The following OBP2B variants were observed in gnomAD, a reference collection of about 807,000 sequenced individuals.
OBP2B encodes the protein odorant-binding protein 2b.
In OBP2B, 10 loss-of-function variants were observed where a neutral mutation model predicts 21.7. That is an observed-to-expected ratio of 0.46 (90% CI 0.28 to 0.78). The LOEUF (loss-of-function observed/expected upper bound fraction) is 0.78, where lower values mean the gene tolerates loss of function less well. OBP2B is among the 30% of genes least tolerant of loss of function. The pLI, the probability that OBP2B is intolerant of heterozygous loss-of-function variation, is 0.11. For missense variants in OBP2B, 153 were observed against 217.7 expected (o/e 0.70, Z 1.87); for synonymous variants, 73 against 91.5 (o/e 0.80, Z 1.16).
rs368661886 is a variant in OBP2B at position 133,208,221 on chromosome 9, C to T, written c.207-18G>A. 2.0e-5 allele frequency: 32 copies of T among 1,611,454 alleles called. No homozygotes were observed. The highest frequency in any genetic ancestry group is 7.7e-5 in the South Asian group (7 of 90,976). On this transcript the variant is annotated intron_variant, in intron 2 of 6. Coordinates refer to ENST00000372034, the MANE Select transcript of OBP2B (RefSeq NM_014581.4). ...CCTCCCTCCTGGAAAACAGGAGACA[C>T]GCGGGCAGCGGCTCCCAGGACACCC...
intron 6 of OBP2B, 56 bp from the exon 7 acceptor site, chr9:133,205,467 G>A (rs1192971793): frequency 4.2e-5 from 43 of 1,034,138 alleles, no homozygotes; most frequent in Non-Finnish European, 5.9e-5. Flanking sequence ...GCAGAGGCCA[G>A]GGCCAGAGCT....
the OBP2B span, among the ~76,000 whole-genome samples, chr9:133,215,372 T>G: frequency 6.6e-6 from 1 of 152,224 alleles, no homozygotes; most frequent in Non-Finnish European, 1.5e-5. Context: ...TAACACAATT[T>G]CTATCAAAAT....
At chr9:133,206,462 G>A (rs373739075) in intron 4 of OBP2B, 46 bp from the exon 5 acceptor site, 349 of 1,607,440 alleles carry the variant, frequency 2.2e-4, no homozygotes, top group Non-Finnish European at 2.6e-4. Context: ...ACAGCGGCAC[G>A]GCCCTGCAGG....
At chr9:133,205,682 A>G in intron 6 of OBP2B, 1 of 632,592 alleles carries the variant, frequency 1.6e-6, no homozygotes. Context: ...CTCGCTGTGG[A>G]AAGGCCGAGG....
chr9:133,218,719 T>C, the OBP2B span, among the ~76,000 whole-genome samples: 1 of 152,006 alleles, frequency 6.6e-6, no homozygotes, highest in African/African-American at 2.4e-5. Flanking sequence ...GGAATTTCAA[T>C]CCACCACAGA....
rs1412647636 is a variant in OBP2B, at chr9:133,206,585, C to T, written c.389-169G>A. 1.8e-5 allele frequency: 14 copies of T among 791,248 alleles called. No individual in the cohort carries two copies. The African/African-American group carries it at 2.5e-4, about 14-fold the overall frequency. 49.0% of individuals were successfully genotyped at this position (791,248 alleles called of 1,614,324 possible). ...GGGGACAGAGGAGATGGCCACTGCC[C>T]AGCACCAGGACAAGGGGAGAGACCC... On this transcript the variant is annotated intron_variant, in intron 4 of 6. Coordinates refer to ENST00000372034, the MANE Select transcript of OBP2B (RefSeq NM_014581.4).
At position 133,207,225 on chromosome 9, in the gene OBP2B, C is replaced by T. The variant is rs1341615367; in HGVS notation, c.388+1G>A. 1 of 1,607,852 alleles carries T rather than the reference C, an allele frequency of 6.2e-7. No homozygotes were observed. Among genetic ancestry groups the T allele is most frequent in the Non-Finnish European group, 8.5e-7 (1 of 1,174,298 alleles). ...CACGCAGACCCCAGCAAGCCCCTCA[C>T]CCACAAGCTTTCCCATGTGGAGCAG... On this transcript the variant is annotated splice_donor_variant, in intron 4 of 6. Transcript: ENST00000372034. LOFTEE classifies it high-confidence loss of function.
upstream of OBP2B, among the ~76,000 whole-genome samples, chr9:133,212,135 A>G (rs1257408232): frequency 6.6e-6 from 1 of 152,244 alleles, no homozygotes; most frequent in Admixed American, 6.5e-5. Flanking sequence ...CATTCTGCAA[A>G]GAAGACATAG....
upstream of OBP2B, chr9:133,209,277 TC>T: frequency 7.7e-7 from 1 of 1,295,482 alleles, no homozygotes; most frequent in South Asian, 1.3e-5. The surrounding 1 kb of genome is among the most constrained non-coding windows in gnomAD (Gnocchi z 6.0). Context: ...CTCGAGATGT[TC>T]TTTATAGCCC....
chr9:133,212,594 T>C (rs1268030139), upstream of OBP2B, among the ~76,000 whole-genome samples: 4 of 152,182 alleles, frequency 2.6e-5, no homozygotes, highest in African/African-American at 4.8e-5. Flanking sequence ...AGAGGAAGCC[T>C]GAAGGTAAAT....
At chr9:133,206,100 G>A (rs1212520123) in intron 5 of OBP2B, among the ~76,000 whole-genome samples, 160 bp from the exon 6 acceptor site, 6 of 141,800 alleles carry the variant, frequency 4.2e-5, no homozygotes, top group Admixed American at 1.4e-4. Context: ...AGACCCCATC[G>A]CAGCCCAGAG....
At chr9:133,212,716 C>T (rs1167816228), upstream of OBP2B, among the ~76,000 whole-genome samples, 3 of 152,116 alleles carry the variant, frequency 2.0e-5, no homozygotes, top group East Asian at 5.8e-4. Context: ...GGATCACTTG[C>T]GATCAGGAAT....
the OBP2B span, among the ~76,000 whole-genome samples, chr9:133,219,106 C>T: frequency 3.4e-4 from 52 of 152,340 alleles, no homozygotes; most frequent in South Asian, 2.1e-4. Flanking sequence ...TGGGACCTCA[C>T]GCCACACACA....
the OBP2B span, among the ~76,000 whole-genome samples, chr9:133,218,314 G>A: frequency 6.6e-6 from 1 of 152,196 alleles, no homozygotes; most frequent in African/African-American, 2.4e-5. Context: ...GGGAGTGGGT[G>A]GAACTGCCAT....
At position 133,206,396 on chromosome 9, in the gene OBP2B, G is replaced by A. The variant is rs11244036; in HGVS notation, c.409C>T (p.Arg137Trp). The A allele has an allele frequency of 5.9e-5, 96 of 1,614,016 alleles. 2 individuals are homozygous for A. In the East Asian group the frequency reaches 1.5e-3, roughly 25 times the overall value. ...KLVGRNSDTN[R>W]EALEEFKKLV... ...TTCTTAAATTCTTCCAGGGCCTCCC[G>A]GTTGGTATCAGAATTCCTACCTGCA... is the stretch of plus-strand genomic sequence containing the variant. Residue 137 changes from arginine to tryptophan, a missense_variant, in exon 5 of 7, where the codon CGG becomes TGG. Arg to Trp is a moderately radical substitution (Grantham distance 101). Around this residue, in one of 2 missense-constraint regions of OBP2B, gnomAD observed 151 missense variants for 186.3 expected, o/e 0.81. Transcript: ENST00000372034.
the OBP2B span, among the ~76,000 whole-genome samples, chr9:133,219,302 T>C: frequency 6.6e-6 from 1 of 152,238 alleles, no homozygotes; most frequent in Non-Finnish European, 1.5e-5. Context: ...TGTACGTCAG[T>C]GGACACTGTC....
At chr9:133,216,567 C>T in the OBP2B span, among the ~76,000 whole-genome samples, 2 of 151,884 alleles carry the variant, frequency 1.3e-5, no homozygotes, top group African/African-American at 2.4e-5. Flanking sequence ...AAACTGATGT[C>T]CATGCAAAAA....
chr9:133,207,630 C>T (rs782136599), intron 3 of OBP2B, among the ~76,000 whole-genome samples: 4 of 152,134 alleles, frequency 2.6e-5, no homozygotes, highest in Non-Finnish European at 5.9e-5. Flanking sequence ...TCTTCCCCCT[C>T]AGCCTCCCCA....
At chr9:133,221,135 C>T in the OBP2B span, among the ~76,000 whole-genome samples, 1 of 152,170 alleles carries the variant, frequency 6.6e-6, no homozygotes, top group African/African-American at 2.4e-5. Context: ...GTTTTTTGAC[C>T]AACAAATGAA....
Sources: gnomAD v4.1 joint callset for allele counts (sites outside exome capture counted in the v4.1 genomes callset) on GRCh38, gnomAD v4.1.1 for gene constraint, gnomAD v4.1.1 regional missense constraint, Gnocchi (gnomAD v3.1) non-coding constraint, MANE v1.5 for transcripts, NCBI Gene and HGNC (gene_info 2026-07-23, HGNC 2026-07-21) for gene names.